KSR2: variants seen among roughly 807,000 people sequenced by gnomAD.
KSR2 encodes kinase suppressor of ras 2.
A neutral mutation model predicts 107.8 loss-of-function variants in KSR2; 25 were observed. That is an observed-to-expected ratio of 0.23 (90% CI 0.17 to 0.32). KSR2 has a LOEUF of 0.32. Among genes scored for constraint, KSR2 ranks in the 10% least tolerant of loss-of-function variants. The pLI, the probability that KSR2 is intolerant of heterozygous loss-of-function variation, is 1.00. For missense variants in KSR2, 887 were observed against 1,268.9 expected, an observed-to-expected ratio of 0.70 and a Z score of 4.57; for synonymous variants, 480 against 507.0, an observed-to-expected ratio of 0.95 and a Z score of 0.71.
intron 16 of KSR2, among the ~76,000 whole-genome samples, chr12:117,478,420 ATT>A (rs59956561): frequency 3.5e-5 from 5 of 144,170 alleles, no homozygotes; most frequent in Admixed American, 7.0e-5. Flanking sequence ...TAAACTTTTC[ATT>A]TTTTTTTTTT....
intron 1 of KSR2, among the ~76,000 whole-genome samples, chr12:117,893,544 C>T (rs1894411913): frequency 6.6e-6 from 1 of 152,204 alleles, no homozygotes; most frequent in South Asian, 2.1e-4. Flanking sequence ...ACTCACCACC[C>T]ACTACCTGTG....
chr12:117,574,799 G>C (rs535266859), intron 7 of KSR2, among the ~76,000 whole-genome samples: 3 of 151,636 alleles, frequency 2.0e-5, no homozygotes, highest in African/African-American at 7.3e-5. Flanking sequence ...GATGGTGCTG[G>C]TCCAGGGACC....
intron 4 of KSR2, among the ~76,000 whole-genome samples, chr12:117,759,483 T>C (rs1593206232): frequency 2.6e-5 from 4 of 152,210 alleles, no homozygotes. Flanking sequence ...TGATAAAATA[T>C]ACATAATATA....
chr12:117,806,620 A>G (rs987104879), intron 3 of KSR2, among the ~76,000 whole-genome samples: 1 of 152,146 alleles, frequency 6.6e-6, no homozygotes, highest in African/African-American at 2.4e-5. Flanking sequence ...AAACATTTAT[A>G]TCACCCCCAG....
In KSR2 at chr12:117,761,504, C is replaced by T; in HGVS notation, c.493G>A (p.Asp165Asn). Reference sequence around the variant, plus strand: ...GTCGTGGGCCACTGGATGGTCCAGTCTTGTTTGGAAAGGTTGCCTCCTGAG... The same window carrying T: ...GTCGTGGGCCACTGGATGGTCCAGTTTTGTTTGGAAAGGTTGCCTCCTGAG... ...HMSGGNLSKQ[D>N]WTIQWPTTET... The change falls in exon 4 of 20, where the codon GAC becomes AAC. Residue 165 changes from aspartate (D) to asparagine (N), a missense_variant. Around this residue, in one of 8 missense-constraint regions of KSR2, gnomAD observed 399 missense variants for 479.5 expected, o/e 0.83. Transcript: ENST00000339824. The T allele has an allele frequency of 1.2e-6, 2 of 1,613,496 alleles. No homozygotes were observed. The highest frequency in any genetic ancestry group is 1.7e-4 in the Middle Eastern group (1 of 6,058).
At chr12:117,491,883 A>G (rs1872762493) in intron 14 of KSR2, among the ~76,000 whole-genome samples, 1 of 152,234 alleles carries the variant, frequency 6.6e-6, no homozygotes, top group Admixed American at 6.5e-5. Flanking sequence ...AGAAAGTGGT[A>G]GCTGTAATGT....
intron 3 of KSR2, among the ~76,000 whole-genome samples, chr12:117,782,383 T>C (rs974931625): frequency 2.0e-5 from 3 of 152,108 alleles, no homozygotes; most frequent in African/African-American, 7.2e-5. Context: ...CCCACCTTGG[T>C]CTCCCGAGTA....
At chr12:117,898,218 T>C (rs966217521) in intron 1 of KSR2, among the ~76,000 whole-genome samples, 12 of 152,210 alleles carry the variant, frequency 7.9e-5, no homozygotes, top group Admixed American at 7.2e-4. Flanking sequence ...CAGAGTTAAA[T>C]GCAATCACAT....
intron 3 of KSR2, among the ~76,000 whole-genome samples, chr12:117,829,117 C>A (rs925753206): frequency 1.3e-5 from 2 of 152,142 alleles, no homozygotes; most frequent in African/African-American, 4.8e-5. Flanking sequence ...AGTCACCATT[C>A]CTGTCCTTAG....
chr12:117,578,147 G>A (rs574221013), intron 7 of KSR2, among the ~76,000 whole-genome samples: 2 of 152,294 alleles, frequency 1.3e-5, no homozygotes, highest in South Asian at 4.1e-4. Flanking sequence ...TACAGAAGGT[G>A]AGCAGAAAAG....
chr12:117,900,065 G>C (rs1248401901), intron 1 of KSR2, among the ~76,000 whole-genome samples: 2 of 152,234 alleles, frequency 1.3e-5, no homozygotes, highest in Non-Finnish European at 2.9e-5. Flanking sequence ...ATCCTTGTGA[G>C]ACACTAAGCA....
intron 5 of KSR2, among the ~76,000 whole-genome samples, chr12:117,598,622 C>T (rs993531658): frequency 6.6e-6 from 1 of 152,078 alleles, no homozygotes; most frequent in African/African-American, 2.4e-5. Flanking sequence ...TCCATGCCAA[C>T]ATCTATTATT....
At chr12:117,502,086 G>A (rs1447370518) in intron 14 of KSR2, among the ~76,000 whole-genome samples, 1 of 152,224 alleles carries the variant, frequency 6.6e-6, no homozygotes, top group Non-Finnish European at 1.5e-5. Context: ...AGCCACAAGT[G>A]TGACATATGT....
intron 1 of KSR2, among the ~76,000 whole-genome samples, chr12:117,876,027 A>T (rs559091805): frequency 6.6e-6 from 1 of 152,302 alleles, no homozygotes; most frequent in South Asian, 2.1e-4. Context: ...GGCCACTAAA[A>T]ATAAATCCCA....
chr12:117,904,050 G>A (rs778997247), intron 1 of KSR2, among the ~76,000 whole-genome samples: 2 of 151,932 alleles, frequency 1.3e-5, no homozygotes, highest in African/African-American at 4.8e-5. Context: ...AAAAGATTCC[G>A]TGATATCTTG....
At chr12:117,663,376 G>A (rs1884519478) in intron 5 of KSR2, among the ~76,000 whole-genome samples, 1 of 152,196 alleles carries the variant, frequency 6.6e-6, no homozygotes, top group Admixed American at 6.5e-5. Flanking sequence ...TATAGAGGAT[G>A]ATGGAGTTTA....
chr12:117,512,692 G>A (rs981800165), intron 14 of KSR2, among the ~76,000 whole-genome samples: 2 of 150,896 alleles, frequency 1.3e-5, no homozygotes, highest in African/African-American at 4.9e-5. Flanking sequence ...TCTGAACAGC[G>A]AGATATCTAA....
intron 1 of KSR2, among the ~76,000 whole-genome samples, chr12:117,881,571 T>C (rs1256199900): frequency 6.6e-6 from 1 of 152,244 alleles, no homozygotes; most frequent in Non-Finnish European, 1.5e-5. Flanking sequence ...CCCATTTTGC[T>C]CAGGCTCTTT....
At chr12:117,475,576 A>G (rs1304294313) in intron 17 of KSR2, among the ~76,000 whole-genome samples, 4 of 152,148 alleles carry the variant, frequency 2.6e-5, no homozygotes, top group African/African-American at 9.7e-5. Flanking sequence ...TTATTCCCAC[A>G]GTCCTGTGTT....
Sources: gnomAD v4.1 joint callset for allele counts (sites outside exome capture counted in the v4.1 genomes callset) on GRCh38, gnomAD v4.1.1 for gene constraint, gnomAD v4.1.1 regional missense constraint, MANE v1.5 for transcripts, NCBI Gene and HGNC (gene_info 2026-07-23, HGNC 2026-07-21) for gene names.